The following RSU1 variants were observed in gnomAD, a reference collection of about 807,000 sequenced individuals.
RSU1 encodes Ras suppressor protein 1.
A neutral mutation model predicts 31.1 loss-of-function variants in RSU1; 26 were observed. The observed-to-expected ratio is 0.84, with a 90% CI of 0.61 to 1.16. The LOEUF (loss-of-function observed/expected upper bound fraction) is 1.16, where lower values mean the gene tolerates loss of function less well. RSU1 is among the 50% of genes most tolerant of loss of function. The pLI, the probability that RSU1 is intolerant of heterozygous loss-of-function variation, is 0.00. For missense variants in RSU1, 320 were observed against 339.1 expected (o/e 0.94, Z 0.44); for synonymous variants, 164 against 136.3 (o/e 1.20, Z -1.41).
In RSU1 at chr10:16,679,421, G is replaced by T. The variant is rs560401155; in HGVS notation, c.731+15602C>A. Among the ~76,000 whole-genome samples, 241 of 152,304 alleles carry T rather than the reference G, an allele frequency of 1.6e-3. 1 individual carries two copies. Among genetic ancestry groups the T allele is most frequent in the Non-Finnish European group, 2.4e-3 (166 of 68,020 alleles). On this transcript the variant is annotated intron_variant, in intron 8 of 8. Coordinates refer to ENST00000345264, the MANE Select transcript of RSU1 (RefSeq NM_012425.4). ...CATACAATGTCTGACACCTGGGAAA[G>T]AAGTGATAGCCACTGTTATTATTAA...
intron 7 of RSU1, among the ~76,000 whole-genome samples, chr10:16,718,984 A>G (rs945528425): frequency 3.6e-5 from 5 of 138,098 alleles, no homozygotes; most frequent in African/African-American, 1.6e-4. Flanking sequence ...CTTCATCTCA[A>G]AAAAAAAAAA....
chr10:16,742,768 C>T (rs907179012), intron 7 of RSU1, among the ~76,000 whole-genome samples: 2 of 152,180 alleles, frequency 1.3e-5, no homozygotes, highest in Non-Finnish European at 2.9e-5. Flanking sequence ...TGTTCAATCA[C>T]GCTGAACCTG....
At chr10:16,789,003 T>G (rs1479388386) in intron 2 of RSU1, among the ~76,000 whole-genome samples, 1 of 152,074 alleles carries the variant, frequency 6.6e-6, no homozygotes, top group Admixed American at 6.5e-5. Context: ...ACTCCCATCT[T>G]CCCTTAATTT....
chr10:16,676,673 G>A (rs1835238577), intron 8 of RSU1, among the ~76,000 whole-genome samples: 1 of 152,160 alleles, frequency 6.6e-6, no homozygotes, highest in Non-Finnish European at 1.5e-5. Flanking sequence ...ATGTTCCAAT[G>A]AGCATTTCCT....
At chr10:16,752,779 G>A (rs916172991) in intron 6 of RSU1, 126 bp from the exon 7 acceptor site, 43 of 1,014,848 alleles carry the variant, frequency 4.2e-5, no homozygotes, top group East Asian at 9.9e-5. Context: ...AAGTGCCGGC[G>A]GATAATCAAG....
intron 8 of RSU1, among the ~76,000 whole-genome samples, chr10:16,680,757 G>C (rs1015300153): frequency 6.6e-6 from 1 of 152,148 alleles, no homozygotes; most frequent in African/African-American, 2.4e-5. Flanking sequence ...CCTCCCACCA[G>C]GCCTCACCTC....
rs1275704198 is a variant in RSU1, at chr10:16,754,917, G to C, written c.354C>G (p.Tyr118Ter). The stretch of plus-strand genomic sequence containing the variant: ...GAAGAGAATTTTCGCTCAAGTTGTT[G>C]TACGTCAAGTCCAGAACCTCAAGAG... ...LPALEVLDLT[Y>*]NNLSENSLPG... Residue 118 changes from tyrosine to a stop codon, truncating the protein, a stop_gained, in exon 5 of 9, where the codon TAC becomes TAG. Transcript: ENST00000345264. LOFTEE classifies it high-confidence loss of function. 1.9e-6 allele frequency: 3 copies of C among 1,613,318 alleles called. No individual in the cohort carries two copies. Among genetic ancestry groups the C allele is most frequent in the African/African-American group, 2.7e-5 (2 of 74,922 alleles).
At chr10:16,693,106 G>A (rs1427417313) in intron 8 of RSU1, among the ~76,000 whole-genome samples, 1 of 152,142 alleles carries the variant, frequency 6.6e-6, no homozygotes, top group Non-Finnish European at 1.5e-5. Context: ...AGGATTACAG[G>A]TGCCCCTCCA....
At chr10:16,631,124 C>G (rs563806921) in intron 8 of RSU1, among the ~76,000 whole-genome samples, 56 of 152,330 alleles carry the variant, frequency 3.7e-4, no homozygotes, top group African/African-American at 1.3e-3. Flanking sequence ...CAATCGTAAT[C>G]AGCATCCAAC....
chr10:16,664,909 T>C, intron 8 of RSU1, among the ~76,000 whole-genome samples: 1 of 152,164 alleles, frequency 6.6e-6, no homozygotes, highest in East Asian at 1.9e-4. Flanking sequence ...ATTTATTGAA[T>C]GCTTATTATG....
chr10:16,776,514 G>T (rs1588527758), intron 3 of RSU1, among the ~76,000 whole-genome samples: 1 of 149,600 alleles, frequency 6.7e-6, no homozygotes, highest in South Asian at 2.1e-4. Flanking sequence ...CCCACATTTT[G>T]CCATAAAACT....
intron 8 of RSU1, among the ~76,000 whole-genome samples, chr10:16,653,829 G>C (rs1441933743): frequency 6.6e-6 from 1 of 152,010 alleles, no homozygotes; most frequent in Non-Finnish European, 1.5e-5. Flanking sequence ...TGGGGAGAGG[G>C]GAGATTGAAT....
At chr10:16,599,457 A>C (rs11814173) in intron 8 of RSU1, among the ~76,000 whole-genome samples, 10,523 of 152,150 alleles carry the variant, frequency 0.069, 985 homozygotes, top group African/African-American at 0.21. Context: ...ACAGGAGCCC[A>C]CCACATCCTG....
intron 7 of RSU1, among the ~76,000 whole-genome samples, chr10:16,725,502 G>T (rs1261319067): frequency 6.7e-6 from 1 of 149,746 alleles, no homozygotes; most frequent in Non-Finnish European, 1.5e-5. Context: ...CATCTTGAGC[G>T]GGGGGCCTTC....
chr10:16,635,810 C>A (rs1034502382), intron 8 of RSU1, among the ~76,000 whole-genome samples: 9 of 152,242 alleles, frequency 5.9e-5, no homozygotes, highest in African/African-American at 2.2e-4. Flanking sequence ...AAGCTTCTAG[C>A]CCCATTTCGT....
chr10:16,785,756 C>T (rs1438442846), intron 2 of RSU1, among the ~76,000 whole-genome samples: 2 of 152,014 alleles, frequency 1.3e-5, no homozygotes, highest in Admixed American at 1.3e-4. Context: ...CTACCTAGGA[C>T]ACACGACTTC....
chr10:16,757,481 C>T (rs771838981), intron 4 of RSU1, among the ~76,000 whole-genome samples: 2 of 152,198 alleles, frequency 1.3e-5, no homozygotes, highest in African/African-American at 2.4e-5. Flanking sequence ...ACTACCTCCA[C>T]GACTATCTAC....
chr10:16,799,403 G>C (rs558349321), intron 2 of RSU1, among the ~76,000 whole-genome samples: 1 of 152,314 alleles, frequency 6.6e-6, no homozygotes, highest in South Asian at 2.1e-4. Context: ...TCACAGCATA[G>C]TAGGAGCAGA....
intron 7 of RSU1, among the ~76,000 whole-genome samples, chr10:16,716,635 C>A (rs1013724216): frequency 2.6e-5 from 4 of 151,932 alleles, no homozygotes; most frequent in Admixed American, 2.0e-4. Context: ...CACTGATAAG[C>A]GTATTTCAAC....
Sources: allele counts gnomAD v4.1 joint callset (sites outside exome capture counted in the v4.1 genomes callset), GRCh38; gene constraint gnomAD v4.1.1; transcripts MANE v1.5; gene names NCBI Gene and HGNC (gene_info 2026-07-23, HGNC 2026-07-21).